The following METAP1 variants were observed in gnomAD, a reference collection of about 807,000 sequenced individuals.
METAP1 encodes the protein methionine aminopeptidase 1.
In METAP1, 28 loss-of-function variants were observed where a neutral mutation model predicts 53.8. That is an observed-to-expected ratio of 0.52 (90% confidence interval 0.39 to 0.71). METAP1 has a LOEUF of 0.71. METAP1 is among the 30% of genes least tolerant of loss of function. The probability of loss-of-function intolerance (pLI) is 0.00; values close to 1 mark genes in which losing one functional copy is unlikely to be tolerated. For synonymous variants in METAP1, 181 were observed against 165.7 expected, an observed-to-expected ratio of 1.09 and a Z score of -0.71; for missense variants, 389 against 479.8, an observed-to-expected ratio of 0.81 and a Z score of 1.77.
intron 1 of METAP1, among the ~76,000 whole-genome samples, chr4:99,005,133 T>C (rs183725479): frequency 6.6e-6 from 1 of 152,260 alleles, no homozygotes; most frequent in East Asian, 1.9e-4. Flanking sequence ...AATAAATAAT[T>C]GGGACATAAT....
At chr4:99,031,548 A>C in intron 2 of METAP1, 1 of 1,288,966 alleles carries the variant, frequency 7.8e-7, no homozygotes, top group African/African-American at 1.5e-5. Context: ...GCTCCACCAA[A>C]CTTTGTGACC....
chr4:99,007,989 G>A (rs1161916559), intron 1 of METAP1, among the ~76,000 whole-genome samples: 1 of 152,164 alleles, frequency 6.6e-6, no homozygotes, highest in African/African-American at 2.4e-5. Context: ...TTTAGAAGAA[G>A]GGGTAGTGAC....
intron 1 of METAP1, among the ~76,000 whole-genome samples, chr4:99,027,924 G>T (rs1724687836): frequency 6.6e-6 from 1 of 150,656 alleles, no homozygotes. Flanking sequence ...CAGCTTTAGT[G>T]TAATATGATT....
intron 6 of METAP1, among the ~76,000 whole-genome samples, chr4:99,041,784 T>TG (rs1725885979): frequency 6.6e-6 from 1 of 151,700 alleles, no homozygotes. Context: ...ATGATGAAAC[T>TG]GGTCCTCTCT....
intron 10 of METAP1, among the ~76,000 whole-genome samples, chr4:99,058,557 A>G (rs1228912250): frequency 2.0e-5 from 3 of 152,022 alleles, no homozygotes; most frequent in Non-Finnish European, 4.4e-5. Flanking sequence ...GATTCTGGTA[A>G]TGGAGCTTTC....
At chr4:99,031,402 CA>C in intron 2 of METAP1, 1 of 1,239,212 alleles carries the variant, frequency 8.1e-7, no homozygotes, top group Middle Eastern at 2.2e-4. Flanking sequence ...CTTGAATAGC[CA>C]AAATTAAGGT....
chr4:99,034,103 T>C (rs1272012449), intron 2 of METAP1, 127 bp from the exon 3 acceptor site: 2 of 617,150 alleles, frequency 3.2e-6, no homozygotes, highest in African/African-American at 3.7e-5. Context: ...TTTTTGTGCC[T>C]GGACTTGTTG....
In METAP1 at chr4:99,012,435, C is replaced by T. The variant is rs141660582; in HGVS notation, c.115-16432C>T. Among the ~76,000 whole-genome samples, 1,021 of 151,720 alleles carry T rather than the reference C, an allele frequency of 6.7e-3. 7 individuals are homozygous for T. Among genetic ancestry groups the T allele is most frequent in the African/African-American group, 0.023 (945 of 41,440 alleles). ...ACTTACAGGTGCCTGCCACCACGCC[C>T]GGCTAATTTTTGTATTTTTAGTAGA... On this transcript the variant is annotated intron_variant, in intron 1 of 10. Coordinates refer to ENST00000296411, the MANE Select transcript of METAP1 (RefSeq NM_015143.3).
At chr4:99,033,352 G>C (rs1487375857) in intron 2 of METAP1, among the ~76,000 whole-genome samples, 1 of 151,944 alleles carries the variant, frequency 6.6e-6, no homozygotes, top group African/African-American at 2.4e-5. Flanking sequence ...GAGTGCACTG[G>C]GAGATGTTTA....
intron 9 of METAP1, among the ~76,000 whole-genome samples, chr4:99,053,235 T>TTTTTGG (rs1162071196): frequency 1.3e-5 from 2 of 152,226 alleles, no homozygotes; most frequent in Non-Finnish European, 1.5e-5. Flanking sequence ...GAATCACAAT[T>TTTTTGG]TTTTGGTTTT....
At chr4:99,042,457 A>G (rs1224434988) in intron 6 of METAP1, among the ~76,000 whole-genome samples, 1 of 152,102 alleles carries the variant, frequency 6.6e-6, no homozygotes. Context: ...TGTGATTACC[A>G]CTGTGTAAAA....
intron 2 of METAP1, among the ~76,000 whole-genome samples, chr4:99,029,199 A>T (rs542421777): frequency 6.6e-6 from 1 of 152,262 alleles, no homozygotes; most frequent in African/African-American, 2.4e-5. Context: ...TCATCTTTTG[A>T]CACACTGTTA....
intron 9 of METAP1, among the ~76,000 whole-genome samples, chr4:99,057,305 C>T (rs1727224301): frequency 6.6e-6 from 1 of 152,170 alleles, no homozygotes; most frequent in Admixed American, 6.5e-5. Context: ...ACATGCTTAC[C>T]CCCCAAAGCG....
chr4:99,040,422 G>T (rs1725771136), intron 5 of METAP1, among the ~76,000 whole-genome samples: 1 of 151,478 alleles, frequency 6.6e-6, no homozygotes, highest in Non-Finnish European at 1.5e-5. Flanking sequence ...ATATCCTGGA[G>T]AACTTTCTCT....
chr4:99,032,678 C>G (rs908010035), intron 2 of METAP1, among the ~76,000 whole-genome samples: 1 of 152,160 alleles, frequency 6.6e-6, no homozygotes, highest in Non-Finnish European at 1.5e-5. Flanking sequence ...GCTTTTCTCT[C>G]CTAGGTTTTG....
In METAP1 at chr4:99,045,329, C is replaced by T. The variant is rs764094625; in HGVS notation, c.787+19C>T. On this transcript the variant is annotated intron_variant, in intron 8 of 10. Transcript: ENST00000296411. Reference sequence around the variant, plus strand: ...GATGCAGGTCAGCCTCAGTGTTGAGCACCTATTGGCAGTCCTGTGTGTTGA... The same window carrying T: ...GATGCAGGTCAGCCTCAGTGTTGAGTACCTATTGGCAGTCCTGTGTGTTGA... 3.1e-6 allele frequency: 5 copies of T among 1,611,954 alleles called. No individual in the cohort carries two copies. Among genetic ancestry groups the T allele is most frequent in the Non-Finnish European group, 4.2e-6 (5 of 1,178,748 alleles).
intron 2 of METAP1, among the ~76,000 whole-genome samples, chr4:99,030,830 A>G (rs1724959301): frequency 6.6e-6 from 1 of 151,092 alleles, no homozygotes; most frequent in Admixed American, 6.6e-5. Context: ...ATTAATATTC[A>G]TATGGAATAT....
chr4:99,039,243 A>T, intron 4 of METAP1, 131 bp from the exon 5 acceptor site: 1 of 571,928 alleles, frequency 1.7e-6, no homozygotes, highest in Non-Finnish European at 3.1e-6. Context: ...AACCTAGACC[A>T]TCCCAAATCA....
chr4:99,018,182 A>G (rs1484967901), intron 1 of METAP1, among the ~76,000 whole-genome samples: 1 of 152,194 alleles, frequency 6.6e-6, no homozygotes, highest in Non-Finnish European at 1.5e-5. Flanking sequence ...GCAAGGAGAC[A>G]TTTCCCTCGA....
Sources: gnomAD v4.1 joint callset for allele counts (sites outside exome capture counted in the v4.1 genomes callset) on GRCh38, gnomAD v4.1.1 for gene constraint, MANE v1.5 for transcripts, NCBI Gene and HGNC (gene_info 2026-07-23, HGNC 2026-07-21) for gene names.